Variants in PHF20 observed in about 807,000 individuals in gnomAD.
PHF20 encodes glioma-expressed antigen 2.
PHF20 carries 23 observed loss-of-function variants against 113.5 expected under a neutral mutation model. The observed-to-expected ratio is 0.20, with a 90% CI of 0.15 to 0.29. The LOEUF (loss-of-function observed/expected upper bound fraction) is 0.29. PHF20 is among the 10% of genes least tolerant of loss of function. The probability of loss-of-function intolerance (pLI) is 1.00; values close to 1 mark genes in which losing one functional copy is unlikely to be tolerated. For synonymous variants in PHF20, 434 were observed against 457.3 expected (o/e 0.95, Z 0.65); for missense variants, 943 against 1,219.6 (o/e 0.77, Z 3.38).
intron 17 of PHF20, among the ~76,000 whole-genome samples, chr20:35,944,914 T>G (rs2056059708): frequency 6.6e-6 from 1 of 152,186 alleles, no homozygotes; most frequent in African/African-American, 2.4e-5. Context: ...TCCTTCTAGT[T>G]TTTTTTAAAG....
chr20:35,808,660 A>C (rs2041924954), intron 2 of PHF20, among the ~76,000 whole-genome samples: 1 of 151,420 alleles, frequency 6.6e-6, no homozygotes, highest in Non-Finnish European at 1.5e-5. Context: ...GCAAGCTCTG[A>C]CTCCTGGGTT....
chr20:35,816,333 A>G (rs1288534314), intron 2 of PHF20, among the ~76,000 whole-genome samples: 3 of 152,154 alleles, frequency 2.0e-5, no homozygotes, highest in Non-Finnish European at 4.4e-5. Flanking sequence ...TAAAGTTACA[A>G]TATCAATATT....
chr20:35,927,628 C>T (rs908009769), intron 13 of PHF20, 152 bp from the exon 14 acceptor site: 10 of 642,854 alleles, frequency 1.6e-5, no homozygotes, highest in Admixed American at 4.7e-5. Context: ...AGATGTGTGG[C>T]AGCAGCTCAG....
chr20:35,883,693 C>T (rs970574421), intron 9 of PHF20, among the ~76,000 whole-genome samples: 6 of 152,192 alleles, frequency 3.9e-5, no homozygotes, highest in Admixed American at 1.3e-4. Context: ...CCACTTGCCT[C>T]GGCTTCCCAA....
At chr20:35,836,097 C>A (rs971558648) in intron 2 of PHF20, among the ~76,000 whole-genome samples, 1 of 152,132 alleles carries the variant, frequency 6.6e-6, no homozygotes, top group Admixed American at 6.5e-5. Flanking sequence ...CAGCTTTGAA[C>A]TCTTTGGCTC....
rs372963989 is a variant in PHF20 at position 35,949,627 on chromosome 20, C to A, written c.*2000C>A. ...GAGAAGACTCCCCAAGTTCTTATAA[C>A]CTCATTGTGCTTCCCTAATTTAAAG... On this transcript the variant is annotated 3_prime_UTR_variant, in exon 18 of 18. Transcript: ENST00000374012. 2.0e-5 allele frequency: 3 copies of A among 152,646 alleles called. No individual in the cohort carries two copies. Among genetic ancestry groups the A allele is most frequent in the Non-Finnish European group, 4.4e-5 (3 of 68,044 alleles). 9.5% of individuals were successfully genotyped at this position (152,646 alleles called of 1,614,324 possible).
In PHF20 at chr20:35,863,364, A is replaced by G. The variant is rs770492032; in HGVS notation, c.772A>G (p.Arg258Gly). 1.2e-6 allele frequency: 2 copies of G among 1,608,312 alleles called. No homozygotes were observed. Among genetic ancestry groups the G allele is most frequent in the Non-Finnish European group, 1.7e-6 (2 of 1,178,618 alleles). The change falls in exon 6 of 18, where the codon AGA (arginine) becomes GGA (glycine). Residue 258 changes from arginine (R) to glycine (G), a missense_variant. By Grantham distance (125) the Arg-to-Gly change is moderately radical. Coordinates refer to ENST00000374012, the MANE Select transcript of PHF20 (RefSeq NM_016436.5). ...SPQENLREPKRKRGRPPSIAP... is the reference protein window; with the variant it reads ...SPQENLREPKGKRGRPPSIAP... ...ACAAGAAAACTTGAGGGAACCCAAA[A>G]GAAAACGAGGCAGACCCCCTTCCAT...
chr20:35,904,692 A>G (rs2055166554), intron 10 of PHF20, among the ~76,000 whole-genome samples: 1 of 151,972 alleles, frequency 6.6e-6, no homozygotes, highest in South Asian at 2.1e-4. Context: ...GAGTCCGTAG[A>G]CTGATCTTAG....
chr20:35,842,757 T>G lies in PHF20; in HGVS notation c.255+13T>G. ...GGATGGATCTTCTGTGAGTAACAAA[T>G]CTGGGAAGTTCTGTAGTATGCAAGG... On this transcript the variant is annotated intron_variant, in intron 3 of 17. Transcript: ENST00000374012. The G allele has an allele frequency of 6.2e-7, 1 of 1,610,854 alleles. No individual in the cohort carries two copies. The highest frequency in any genetic ancestry group is 8.5e-7 in the Non-Finnish European group (1 of 1,178,396).
chr20:35,790,502 G>T (rs1040330845), intron 1 of PHF20, among the ~76,000 whole-genome samples: 6 of 152,114 alleles, frequency 3.9e-5, no homozygotes, highest in Non-Finnish European at 5.9e-5. Flanking sequence ...GGCCTGACCT[G>T]TGCTAATAAC....
At chr20:35,795,196 A>G (rs1356420465) in intron 1 of PHF20, among the ~76,000 whole-genome samples, 1 of 151,882 alleles carries the variant, frequency 6.6e-6, no homozygotes, top group Non-Finnish European at 1.5e-5. Context: ...GTCTTAAAAA[A>G]AAAAAAAAAA....
chr20:35,843,051 G>A (rs927914138), intron 3 of PHF20, among the ~76,000 whole-genome samples: 11 of 152,060 alleles, frequency 7.2e-5, no homozygotes, highest in Non-Finnish European at 1.5e-4. Flanking sequence ...TGGGATTACA[G>A]GTGCCCACCC....
intron 17 of PHF20, among the ~76,000 whole-genome samples, chr20:35,943,339 A>G (rs1413942672): frequency 1.3e-5 from 2 of 151,832 alleles, no homozygotes; most frequent in Non-Finnish European, 2.9e-5. Context: ...ACTCAGTCTG[A>G]AAATAAAAAA....
chr20:35,823,632 CA>C (rs34177764), intron 2 of PHF20, among the ~76,000 whole-genome samples: 4,477 of 53,814 alleles, frequency 0.083, 40 homozygotes, highest in African/African-American at 0.14. Flanking sequence ...GACCCTGTCT[CA>C]AAAAAAAAAA....
At chr20:35,917,442 T>C (rs767977968) in intron 12 of PHF20, 42 bp from the exon 13 acceptor site, 2 of 1,545,818 alleles carry the variant, frequency 1.3e-6, no homozygotes, top group Admixed American at 1.8e-5. Flanking sequence ...TTTTTAATTT[T>C]ATAACCTAAA....
intron 16 of PHF20, among the ~76,000 whole-genome samples, chr20:35,939,798 T>C (rs1315874935): frequency 2.6e-5 from 4 of 152,162 alleles, no homozygotes; most frequent in Admixed American, 6.6e-5. Flanking sequence ...TCCCAGACTT[T>C]CTCCTGCAGG....
At chr20:35,941,482 C>T (rs1054856553) in intron 17 of PHF20, among the ~76,000 whole-genome samples, 2 of 152,178 alleles carry the variant, frequency 1.3e-5, no homozygotes, top group Non-Finnish European at 2.9e-5. Flanking sequence ...TCCTCGTAAG[C>T]CAGTAGAGAT....
chr20:35,821,307 C>T (rs973819233), intron 2 of PHF20, among the ~76,000 whole-genome samples: 1 of 151,424 alleles, frequency 6.6e-6, no homozygotes, highest in East Asian at 1.9e-4. Context: ...TGTTGGTGGG[C>T]GCCTGTAATC....
intron 2 of PHF20, among the ~76,000 whole-genome samples, chr20:35,818,857 A>AT (rs1267123777): frequency 1.3e-5 from 2 of 151,852 alleles, no homozygotes; most frequent in Non-Finnish European, 2.9e-5. Context: ...TTTTTAATCT[A>AT]CCACTTTGGG....
Sources: allele counts gnomAD v4.1 joint callset (sites outside exome capture counted in the v4.1 genomes callset), GRCh38; gene constraint gnomAD v4.1.1; transcripts MANE v1.5; gene names NCBI Gene and HGNC (gene_info 2026-07-23, HGNC 2026-07-21).